The following CDH13 variants were observed in gnomAD, a reference collection of about 807,000 sequenced individuals.
CDH13 encodes the protein cadherin-13.
Under a neutral mutation model 63.8 loss-of-function variants are expected in CDH13, and 24 were observed. The ratio of observed to expected loss-of-function variants is 0.38; its 90% confidence interval spans 0.27 to 0.53. The LOEUF (loss-of-function observed/expected upper bound fraction) is 0.53. CDH13 is among the 20% of genes least tolerant of loss of function. CDH13 has a pLI of 0.85. For missense variants in CDH13, 1,049 were observed against 903.1 expected, an observed-to-expected ratio of 1.16 and a Z score of -2.07; for synonymous variants, 503 against 355.3, an observed-to-expected ratio of 1.42 and a Z score of -4.67.
chr16:83,663,812 C>T (rs1031785277), intron 8 of CDH13, among the ~76,000 whole-genome samples: 3 of 152,100 alleles, frequency 2.0e-5, no homozygotes, highest in Admixed American at 2.0e-4. Flanking sequence ...AAGTCTCTGA[C>T]ACCACTCCGC....
chr16:83,140,107 C>A (rs952783048), intron 4 of CDH13, among the ~76,000 whole-genome samples: 9 of 152,216 alleles, frequency 5.9e-5, no homozygotes, highest in African/African-American at 2.2e-4. Flanking sequence ...CATAAAGACA[C>A]AGCATCAGGC....
intron 4 of CDH13, among the ~76,000 whole-genome samples, chr16:83,208,773 C>A (rs943762253): frequency 6.6e-6 from 1 of 152,120 alleles, no homozygotes; most frequent in Admixed American, 6.5e-5. Flanking sequence ...AGTTATCATC[C>A]TCTGAAAATG....
chr16:82,941,015 G>A (rs995058590), intron 2 of CDH13, among the ~76,000 whole-genome samples: 2 of 152,094 alleles, frequency 1.3e-5, no homozygotes, highest in Non-Finnish European at 2.9e-5. Flanking sequence ...TTTGTAGATG[G>A]ACAATACAAC....
chr16:83,208,172 G>A (rs1055828646), intron 4 of CDH13, among the ~76,000 whole-genome samples: 5 of 152,162 alleles, frequency 3.3e-5, no homozygotes, highest in African/African-American at 1.2e-4. Context: ...AGTGGATTGC[G>A]AGAACTTTGG....
At chr16:83,171,354 C>G (rs538688438) in intron 4 of CDH13, among the ~76,000 whole-genome samples, 1 of 152,210 alleles carries the variant, frequency 6.6e-6, no homozygotes, top group Admixed American at 6.6e-5. Flanking sequence ...GGAGGATGCA[C>G]CCCCATGATC....
At chr16:83,098,249 A>G (rs1482868792) in intron 3 of CDH13, among the ~76,000 whole-genome samples, 1 of 152,220 alleles carries the variant, frequency 6.6e-6, no homozygotes, top group Non-Finnish European at 1.5e-5. Flanking sequence ...CATTTCATAT[A>G]TGGTATAAGA....
intron 4 of CDH13, among the ~76,000 whole-genome samples, chr16:83,133,948 C>G (rs1011526434): frequency 6.6e-6 from 1 of 152,180 alleles, no homozygotes; most frequent in African/African-American, 2.4e-5. Context: ...CACAGAGTAG[C>G]GACTCAAATA....
intron 3 of CDH13, among the ~76,000 whole-genome samples, chr16:83,120,763 C>CTTTTTTTTTTTT (rs750711823): frequency 0.031 from 1,872 of 59,958 alleles, 312 homozygotes; most frequent in African/African-American, 0.08. Context: ...AATTTTCTTT[C>CTTTTTTTTTTTT]TTTTTTTTTT....
intron 10 of CDH13, among the ~76,000 whole-genome samples, chr16:83,679,752 G>A (rs1229353251): frequency 6.6e-6 from 1 of 152,226 alleles, no homozygotes; most frequent in African/African-American, 2.4e-5. Context: ...GACAAAGGTA[G>A]GATGTCTCCA....
chr16:83,755,672 A>G (rs1913448371), intron 11 of CDH13, among the ~76,000 whole-genome samples: 1 of 152,080 alleles, frequency 6.6e-6, no homozygotes, highest in Non-Finnish European at 1.5e-5. Flanking sequence ...GAGCACTTTA[A>G]AGATGCCTAC....
intron 3 of CDH13, among the ~76,000 whole-genome samples, chr16:83,038,979 G>C (rs892961190): frequency 2.4e-4 from 37 of 152,288 alleles, no homozygotes; most frequent in African/African-American, 8.9e-4. Flanking sequence ...CATTGGGTTT[G>C]GGAACTAAAG....
intron 6 of CDH13, among the ~76,000 whole-genome samples, chr16:83,455,433 GTC>G (rs972373086): frequency 6.6e-6 from 1 of 152,260 alleles, no homozygotes; most frequent in East Asian, 1.9e-4. Flanking sequence ...TTGCTGCCGT[GTC>G]TCTGTTTGGT....
At chr16:83,066,294 G>A (rs1259715681) in intron 3 of CDH13, among the ~76,000 whole-genome samples, 1 of 152,168 alleles carries the variant, frequency 6.6e-6, no homozygotes, top group Non-Finnish European at 1.5e-5. Context: ...TAAGACATGA[G>A]ACTTTCAGTT....
At chr16:83,106,081 C>T (rs1025707568) in intron 3 of CDH13, among the ~76,000 whole-genome samples, 1 of 152,176 alleles carries the variant, frequency 6.6e-6, no homozygotes, top group Non-Finnish European at 1.5e-5. Context: ...CAATATGTTA[C>T]AGGACTTTTA....
At chr16:83,175,220 G>A (rs1453529818) in intron 4 of CDH13, among the ~76,000 whole-genome samples, 1 of 152,012 alleles carries the variant, frequency 6.6e-6, no homozygotes, top group African/African-American at 2.4e-5. Context: ...ATAAGATATT[G>A]GCATGGATAC....
At chr16:82,802,901 G>A (rs576561112) in intron 1 of CDH13, among the ~76,000 whole-genome samples, 37 of 152,234 alleles carry the variant, frequency 2.4e-4, no homozygotes, top group African/African-American at 8.7e-4. Context: ...CTTTACCTTT[G>A]CTGTCCTCCT....
chr16:83,186,389 G>A (rs1175202235), intron 4 of CDH13, among the ~76,000 whole-genome samples: 6 of 152,010 alleles, frequency 3.9e-5, no homozygotes, highest in East Asian at 3.9e-4. Flanking sequence ...CACCCGCCTC[G>A]GCCTCCCAAA....
At chr16:83,468,334 G>A (rs143487355) in intron 6 of CDH13, among the ~76,000 whole-genome samples, 44 of 152,240 alleles carry the variant, frequency 2.9e-4, no homozygotes, top group Middle Eastern at 3.4e-3. Context: ...AGATGTGGCC[G>A]CCAGCCAAAG....
chr16:83,391,109 C>T (rs751480638), intron 6 of CDH13, among the ~76,000 whole-genome samples: 1 of 152,216 alleles, frequency 6.6e-6, no homozygotes, highest in Non-Finnish European at 1.5e-5. Context: ...ACCTCCTTCA[C>T]CATCTGCTGC....
Sources: gnomAD v4.1 joint callset for allele counts (sites outside exome capture counted in the v4.1 genomes callset) on GRCh38, gnomAD v4.1.1 for gene constraint, MANE v1.5 for transcripts, NCBI Gene and HGNC (gene_info 2026-07-23, HGNC 2026-07-21) for gene names.